The following PPP3CB variants were observed in gnomAD, a reference collection of about 807,000 sequenced individuals.
PPP3CB encodes the protein protein phosphatase 3 catalytic subunit beta, also known as serine/threonine-protein phosphatase 2B catalytic subunit beta isoform.
PPP3CB carries 8 observed loss-of-function variants against 66.4 expected under a neutral mutation model. The ratio of observed to expected loss-of-function variants is 0.12; its 90% CI spans 0.07 to 0.22. PPP3CB has a LOEUF of 0.22. Among genes scored for constraint, PPP3CB ranks in the 10% least tolerant of loss-of-function variants. The probability of loss-of-function intolerance (pLI) is 1.00; values close to 1 mark genes in which losing one functional copy is unlikely to be tolerated. For missense variants in PPP3CB, 319 were observed against 642.5 expected, an observed-to-expected ratio of 0.50 and a Z score of 5.44; for synonymous variants, 208 against 221.2, an observed-to-expected ratio of 0.94 and a Z score of 0.53.
chr10:73,495,925 C>T lies in PPP3CB; in HGVS notation c.-36G>A. The T allele has an allele frequency of 1.7e-5, 2 of 120,716 alleles. No individual in the cohort carries two copies. Among genetic ancestry groups the T allele is most frequent in the African/African-American group, 6.3e-5 (1 of 15,904 alleles). 7.5% of individuals were successfully genotyped at this position (120,716 alleles called of 1,614,324 possible). On this transcript the variant is annotated 5_prime_UTR_variant, in exon 1 of 14. Transcript: ENST00000360663. ...GGGCTCGGCTAGGCTCTGGGCCGGG[C>T]GGGGTTGGGGGCGGGGGCGGCGGCT...
chr10:73,439,891 C>T lies in PPP3CB; in HGVS notation c.1377G>A (p.Glu459=). Residue 459 remains glutamate (E), a synonymous_variant, in exon 13 of 14, where the codon GAG becomes GAA. Transcript: ENST00000360663. ...GRQTLQSATV[E]AIEAEKAIRG... is the part of the protein sequence containing the mutation. ...TCATACCTTTTTCAGCCTCAATAGC[C>T]TCAACTGTGGCTGTACAGAAGTGAG... The T allele has an allele frequency of 6.2e-7, 1 of 1,613,654 alleles. No individual in the cohort carries two copies. The highest frequency in any genetic ancestry group is 8.5e-7 in the Non-Finnish European group (1 of 1,179,682).
At chr10:73,439,803 C>T in intron 13 of PPP3CB, 69 bp downstream of exon 13, 1 of 1,530,866 alleles carries the variant, frequency 6.5e-7, no homozygotes, top group Non-Finnish European at 9.0e-7. Context: ...AAAACACACC[C>T]ACAGGACATT....
intron 12 of PPP3CB, among the ~76,000 whole-genome samples, chr10:73,443,234 C>CAGAGAGAGAGAGAGAA (rs1255571466): frequency 9.9e-6 from 1 of 101,072 alleles, no homozygotes; most frequent in African/African-American, 3.8e-5. Context: ...AAAAGAAAGA[C>CAGAGAGAGAGAGAGAA]AGAGAGAGAG....
chr10:73,460,764 A>G (rs2056507597), intron 9 of PPP3CB, among the ~76,000 whole-genome samples: 1 of 152,230 alleles, frequency 6.6e-6, no homozygotes, highest in South Asian at 2.1e-4. Flanking sequence ...CAGCCTCAGG[A>G]CACTGCTCCC....
intron 1 of PPP3CB, 91 bp downstream of exon 1, chr10:73,495,714 C>T: frequency 6.8e-7 from 1 of 1,475,456 alleles, no homozygotes; most frequent in Non-Finnish European, 9.0e-7. Context: ...CCCGCCCTTC[C>T]GGGCCCACTC....
At chr10:73,487,862 C>T (rs2057010173) in intron 1 of PPP3CB, among the ~76,000 whole-genome samples, 2 of 151,452 alleles carry the variant, frequency 1.3e-5, no homozygotes, top group South Asian at 4.2e-4. Flanking sequence ...TCATGGCAAC[C>T]CCTGCCTCCC....
chr10:73,474,749 T>C (rs1248300630), intron 4 of PPP3CB, among the ~76,000 whole-genome samples, 170 bp downstream of exon 4: 1 of 152,150 alleles, frequency 6.6e-6, no homozygotes, highest in African/African-American at 2.4e-5. Flanking sequence ...CAAAAACTTC[T>C]TAATACCATT....
At chr10:73,449,598 G>T (rs1475805912) in intron 10 of PPP3CB, among the ~76,000 whole-genome samples, 6 of 152,108 alleles carry the variant, frequency 3.9e-5, no homozygotes, top group Non-Finnish European at 8.8e-5. Context: ...GGAAAAAACT[G>T]CATGCAACCT....
chr10:73,476,024 G>GTTTTTT (rs903948557), intron 3 of PPP3CB, among the ~76,000 whole-genome samples: 1 of 137,514 alleles, frequency 7.3e-6, no homozygotes, highest in African/African-American at 2.6e-5. Context: ...GCCCAGCTAA[G>GTTTTTT]TTTTTTTTTT....
Position 73,454,404 on chromosome 10 carries a change from A to C in PPP3CB, c.1186+8T>G. 1.9e-6 allele frequency: 3 copies of C among 1,596,454 alleles called. No homozygotes were observed. The South Asian group carries it at 3.3e-5, about 18-fold the overall frequency. ...TAAAAAAAAAAATAGTAAGATGAAT[A>C]ATCATACCATCAAACTGGTCTTCAC... On this transcript the variant is annotated splice_region_variant and intron_variant, in intron 10 of 13. Coordinates refer to ENST00000360663, the MANE Select transcript of PPP3CB (RefSeq NM_021132.4).
At chr10:73,439,457 T>TACC (rs1430401171) in intron 13 of PPP3CB, among the ~76,000 whole-genome samples, 6 of 152,146 alleles carry the variant, frequency 3.9e-5, no homozygotes, top group African/African-American at 1.2e-4. Flanking sequence ...CTCACACCTA[T>TACC]ACCTAGAGGA....
At chr10:73,472,226 G>A (rs545440876) in intron 4 of PPP3CB, among the ~76,000 whole-genome samples, 1 of 152,310 alleles carries the variant, frequency 6.6e-6, no homozygotes, top group South Asian at 2.1e-4. Flanking sequence ...CAGGCACGGT[G>A]GCTCACGCCT....
chr10:73,443,339 AG>A (rs780633376), intron 12 of PPP3CB, among the ~76,000 whole-genome samples: 112 of 150,710 alleles, frequency 7.4e-4, no homozygotes, highest in African/African-American at 2.3e-3. Flanking sequence ...AAAAAGAAAG[AG>A]AAGAGAAGAG....
chr10:73,456,662 C>T (rs1016394271), intron 9 of PPP3CB, among the ~76,000 whole-genome samples: 1 of 152,078 alleles, frequency 6.6e-6, no homozygotes, highest in Admixed American at 6.6e-5. Context: ...AACTGCACTC[C>T]CCCTACTGCA....
At chr10:73,446,357 C>T (rs927082344) in intron 11 of PPP3CB, 135 bp downstream of exon 11, 2 of 807,200 alleles carry the variant, frequency 2.5e-6, no homozygotes, top group East Asian at 2.6e-5. Flanking sequence ...GCCTTGGCAT[C>T]CCAAAATGCT....
At chr10:73,451,550 TA>T (rs1345569894) in intron 10 of PPP3CB, among the ~76,000 whole-genome samples, 2 of 151,710 alleles carry the variant, frequency 1.3e-5, no homozygotes, top group Non-Finnish European at 2.9e-5. Context: ...TTTGGAAAAC[TA>T]AATACTATTT....
intron 9 of PPP3CB, among the ~76,000 whole-genome samples, 173 bp from the exon 10 acceptor site, chr10:73,454,662 T>A (rs1039458519): frequency 6.6e-6 from 1 of 151,656 alleles, no homozygotes; most frequent in African/African-American, 2.4e-5. Context: ...ATGAAAGAAA[T>A]TCAGTGGATA....
chr10:73,472,761 C>T (rs1813958891), intron 4 of PPP3CB, among the ~76,000 whole-genome samples: 1 of 152,032 alleles, frequency 6.6e-6, no homozygotes, highest in Non-Finnish European at 1.5e-5. Context: ...GTTCCTCTTG[C>T]CTACAATGAA....
At chr10:73,480,711 C>A (rs1206375851) in intron 1 of PPP3CB, among the ~76,000 whole-genome samples, 1 of 152,166 alleles carries the variant, frequency 6.6e-6, no homozygotes, top group East Asian at 1.9e-4. Flanking sequence ...TCCCAAAGTT[C>A]TGGGATTACA....
Sources: allele counts gnomAD v4.1 joint callset (sites outside exome capture counted in the v4.1 genomes callset), GRCh38; gene constraint gnomAD v4.1.1; transcripts MANE v1.5; gene names NCBI Gene and HGNC (gene_info 2026-07-23, HGNC 2026-07-21).